The following SYNE3 variants were observed in gnomAD, a reference collection of about 807,000 sequenced individuals.
The protein encoded by SYNE3 is nesprin-3.
SYNE3 carries 100 observed loss-of-function variants against 111.2 expected under a neutral mutation model. The ratio of observed to expected loss-of-function variants is 0.90; its 90% CI spans 0.77 to 1.06. The LOEUF is 1.06. Ranked by LOEUF, SYNE3 falls within the 50% of genes least tolerant of loss-of-function variation. The probability of loss-of-function intolerance (pLI) is 0.00; values close to 1 mark genes in which losing one functional copy is unlikely to be tolerated. For synonymous variants in SYNE3, 547 were observed against 533.9 expected (o/e 1.02, Z -0.34); for missense variants, 1,160 against 1,240.3 (o/e 0.94, Z 0.97).
intron 4 of SYNE3, among the ~76,000 whole-genome samples, chr14:95,460,130 T>C (rs893482269): frequency 3.3e-5 from 5 of 152,150 alleles, no homozygotes; most frequent in African/African-American, 9.7e-5. Context: ...ACAAAAATTG[T>C]TGAGCACTCC....
At position 95,457,308 on chromosome 14, in the gene SYNE3, G is replaced by C. The variant is rs187376318; in HGVS notation, c.658C>G (p.Arg220Gly). ...CCTGCCTGGTACTCCTCATGCTCCCGGGCCACCTGCTCCAGCAGATCTACA... is the reference window on the plus strand; with the variant it reads ...CCTGCCTGGTACTCCTCATGCTCCCCGGCCACCTGCTCCAGCAGATCTACA... The part of the protein sequence containing the change: ...KRVDLLEQVA[R>G]EHEEYQAGVD... Residue 220 changes from arginine to glycine, a missense_variant, in exon 5 of 18, where the codon CGG becomes GGG. By Grantham distance (125) the Arg-to-Gly change is moderately radical. Coordinates refer to ENST00000682763, the MANE Select transcript of SYNE3 (RefSeq NM_152592.6). 6.2e-7 allele frequency: 1 copy of C among 1,604,962 alleles called. No homozygotes were observed. Among genetic ancestry groups the C allele is most frequent in the African/African-American group, 1.4e-5 (1 of 73,534 alleles).
chr14:95,443,254 C>T lies in SYNE3; in HGVS notation c.1812G>A (p.Gln604=). The T allele has an allele frequency of 1.2e-6, 2 of 1,614,252 alleles. No homozygotes were observed. Among genetic ancestry groups the T allele is most frequent in the Non-Finnish European group, 1.7e-6 (2 of 1,180,036 alleles). ...LQEEGLDLGA[Q]MEAARPLVQE... ...GGACCAGAGGCCTTGCAGCCTCCAT[C>T]TGTGCCCCCAAGTCCAGCCCCTCTT... The change falls in exon 11 of 18, where the codon CAG becomes CAA. Residue 604 remains glutamine (Q), a synonymous_variant. Coordinates refer to ENST00000682763, the MANE Select transcript of SYNE3 (RefSeq NM_152592.6).
At chr14:95,498,441 A>G (rs1367527444) in intron 1 of SYNE3, among the ~76,000 whole-genome samples, 2 of 152,028 alleles carry the variant, frequency 1.3e-5, no homozygotes, top group Admixed American at 1.3e-4. Flanking sequence ...CTGGTCTCGA[A>G]CTCCTGACCT....
chr14:95,449,865 G>C, intron 8 of SYNE3, 66 bp downstream of exon 8: 1 of 1,518,556 alleles, frequency 6.6e-7, no homozygotes, highest in Non-Finnish European at 8.9e-7. Flanking sequence ...CTGGGAGAGA[G>C]ACTGAAACAC....
chr14:95,490,408 C>A (rs1320628936), intron 1 of SYNE3, among the ~76,000 whole-genome samples: 6 of 152,230 alleles, frequency 3.9e-5, no homozygotes, highest in African/African-American at 1.4e-4. Flanking sequence ...CAGCTATTTT[C>A]TACAGCACCA....
Position 95,408,160 on chromosome 14 carries a change from A to G in SYNE3, c.*9666T>C, listed in dbSNP as rs1307127512. The G allele has an allele frequency of 1.3e-5, 2 of 152,098 alleles. No individual in the cohort carries two copies. The highest frequency in any genetic ancestry group is 2.4e-5 in the African/African-American group (1 of 41,410). 9.4% of individuals were successfully genotyped at this position (152,098 alleles called of 1,614,324 possible). ...CCTCCAGGATGGGTTCTGAGGAGAC[A>G]TGGGGCCCTCCCATGGGACGGATGA... On this transcript the variant is annotated 3_prime_UTR_variant, in exon 18 of 18. Transcript: ENST00000682763.
At chr14:95,454,037 G>A (rs1229532410) in intron 6 of SYNE3, among the ~76,000 whole-genome samples, 1 of 152,242 alleles carries the variant, frequency 6.6e-6, no homozygotes, top group Non-Finnish European at 1.5e-5. Flanking sequence ...ACCAGACGCT[G>A]GATAAGCTAC....
chr14:95,442,739 T>A (rs1214038670), intron 11 of SYNE3, among the ~76,000 whole-genome samples: 2 of 152,230 alleles, frequency 1.3e-5, no homozygotes, highest in Non-Finnish European at 2.9e-5. Flanking sequence ...CCAGGCCTTG[T>A]GCAGGCTGCA....
intron 17 of SYNE3, 87 bp downstream of exon 17, chr14:95,431,992 C>A: frequency 6.8e-7 from 1 of 1,479,200 alleles, no homozygotes. Context: ...CCAGAAAGCC[C>A]ACGAGTCTTG....
intron 17 of SYNE3, among the ~76,000 whole-genome samples, 195 bp downstream of exon 17, chr14:95,431,884 C>A (rs1016160609): frequency 1.3e-5 from 2 of 152,222 alleles, no homozygotes; most frequent in African/African-American, 2.4e-5. Flanking sequence ...AGCCTCCCCC[C>A]AAGCCTGGGG....
At position 95,513,616 on chromosome 14, in the gene SYNE3, C is replaced by T. The variant is rs184407117; in HGVS notation, c.-15+2980G>A. Among the ~76,000 whole-genome samples, 380 of 151,950 alleles carry T rather than the reference C, an allele frequency of 2.5e-3. 7 individuals carry two copies. Among genetic ancestry groups the T allele is most frequent in the East Asian group, 1.2e-3 (6 of 5,170 alleles). The stretch of plus-strand genomic sequence containing the variant: ...CCCCGTCCACTTCCTAGCTTCCTAG[C>T]TGCTCAGCCCCAGAACATCATCCCT... On this transcript the variant is annotated intron_variant, in intron 1 of 17. Coordinates refer to ENST00000682763, the MANE Select transcript of SYNE3 (RefSeq NM_152592.6).
intron 8 of SYNE3, among the ~76,000 whole-genome samples, chr14:95,447,371 C>T (rs561493544): frequency 1.1e-4 from 17 of 152,226 alleles, no homozygotes; most frequent in South Asian, 6.2e-4. Flanking sequence ...CTCCTGACCT[C>T]GTGATCCGCC....
chr14:95,449,839 G>A lies in SYNE3; in HGVS notation c.1449+92C>T, dbSNP rs1014150171. 3.0e-5 allele frequency: 45 copies of A among 1,486,786 alleles called. No homozygotes were observed. The East Asian group carries it at 6.4e-4, about 21-fold the overall frequency. The allele number at this position is 1,486,786 out of a possible 1,614,324, so 92.1% of individuals were successfully genotyped here. A position where few individuals can be genotyped will look rare whatever the true frequency, so the allele number is the denominator to read the frequency against. ...CTCTCCCCAGATATCCGGAGGACCCGGAAACGGACCTTCCCCTGGGAGAGA... is the reference window on the plus strand; with the variant it reads ...CTCTCCCCAGATATCCGGAGGACCCAGAAACGGACCTTCCCCTGGGAGAGA... On this transcript the variant is annotated intron_variant, in intron 8 of 17. Coordinates refer to ENST00000682763, the MANE Select transcript of SYNE3 (RefSeq NM_152592.6).
intron 1 of SYNE3, among the ~76,000 whole-genome samples, chr14:95,507,046 A>G (rs954858044): frequency 2.0e-5 from 3 of 152,194 alleles, no homozygotes; most frequent in Non-Finnish European, 1.5e-5. Context: ...AGTTCACAAC[A>G]CATCCAGCGA....
intron 15 of SYNE3, among the ~76,000 whole-genome samples, chr14:95,435,773 G>A (rs983886926): frequency 1.3e-5 from 2 of 152,198 alleles, no homozygotes; most frequent in Non-Finnish European, 2.9e-5. Flanking sequence ...CTAGGGCCTG[G>A]TTGAGAATGG....
At position 95,449,798 on chromosome 14, in the gene SYNE3, G is replaced by C. The variant is rs568875767; in HGVS notation, c.1449+133C>G. The C allele has an allele frequency of 2.2e-5, 31 of 1,421,464 alleles. No homozygotes were observed. In the South Asian group the frequency reaches 3.8e-4, roughly 17 times the overall value. The allele number at this position is 1,421,464 out of a possible 1,614,324, so 88.1% of individuals were successfully genotyped here. On this transcript the variant is annotated intron_variant, in intron 8 of 17. Coordinates refer to ENST00000682763, the MANE Select transcript of SYNE3 (RefSeq NM_152592.6). Reference sequence around the variant, plus strand: ...GCTCCCTGTGCACCAGGACTCAGCAGACCGGGCGCAGTGAGCTCTCCCCAG... The same window carrying C: ...GCTCCCTGTGCACCAGGACTCAGCACACCGGGCGCAGTGAGCTCTCCCCAG...
chr14:95,488,715 G>GGAGAGGAGAA (rs1889682885), intron 1 of SYNE3, among the ~76,000 whole-genome samples: 1 of 95,962 alleles, frequency 1.0e-5, no homozygotes, highest in African/African-American at 4.3e-5. Flanking sequence ...GGAGAGGAGA[G>GGAGAGGAGAA]GAGAGGAGAG....
Position 95,426,943 on chromosome 14 carries a change from CA to C in SYNE3, c.2727+5135del, listed in dbSNP as rs574423106. 3.4e-3 allele frequency among the ~76,000 whole-genome samples: 354 copies of C among 104,838 alleles called. 3 individuals are homozygous for C. Among genetic ancestry groups the C allele is most frequent in the Middle Eastern group, 0.014 (3 of 214 alleles). 68.8% of individuals were successfully genotyped at this position (104,838 alleles called of 152,430 possible). On this transcript the variant is annotated intron_variant, in intron 17 of 17. Transcript: ENST00000682763. The stretch of plus-strand genomic sequence containing the variant: ...TGGGTGACAAAGCAAGACTCCATCT[CA>C]AAAAAAAAAAAAAAAAAAGAATAGT...
chr14:95,489,499 G>T (rs1360817825), intron 1 of SYNE3, among the ~76,000 whole-genome samples: 1 of 152,166 alleles, frequency 6.6e-6, no homozygotes, highest in Non-Finnish European at 1.5e-5. Context: ...CACAACACGT[G>T]GCACTTACTG....
Sources: allele counts gnomAD v4.1 joint callset (sites outside exome capture counted in the v4.1 genomes callset), GRCh38; gene constraint gnomAD v4.1.1; transcripts MANE v1.5; gene names NCBI Gene and HGNC (gene_info 2026-07-23, HGNC 2026-07-21).